Variants in PCDH9 observed in about 807,000 individuals in gnomAD.
PCDH9 encodes the protein protocadherin-9.
PCDH9 carries 24 observed loss-of-function variants against 70.6 expected under a neutral mutation model. That is an observed-to-expected ratio of 0.34 (90% CI 0.25 to 0.48). The LOEUF (loss-of-function observed/expected upper bound fraction) is 0.48, where lower values mean the gene tolerates loss of function less well. Ranked by LOEUF, PCDH9 falls within the 20% of genes least tolerant of loss-of-function variation. The pLI, the probability that PCDH9 is intolerant of heterozygous loss-of-function variation, is 0.99. For missense variants in PCDH9, 1,281 were observed against 1,503.6 expected (o/e 0.85, Z 2.45); for synonymous variants, 562 against 558.5 (o/e 1.01, Z -0.09).
intron 2 of PCDH9, among the ~76,000 whole-genome samples, chr13:67,055,346 G>A (rs1028973478): frequency 1.3e-5 from 2 of 152,168 alleles, no homozygotes; most frequent in Non-Finnish European, 2.9e-5. Context: ...CAGTTGTTAA[G>A]ATTTTAAGAT....
chr13:67,201,467 G>A (rs1566492337), intron 2 of PCDH9: 1 of 151,946 alleles, frequency 6.6e-6, no homozygotes. Flanking sequence ...ATCCCTGTAT[G>A]TTACTTAAAT....
At chr13:67,130,391 G>GT (rs983605871) in intron 2 of PCDH9, among the ~76,000 whole-genome samples, 35 of 151,120 alleles carry the variant, frequency 2.3e-4, no homozygotes, top group African/African-American at 6.3e-4. Flanking sequence ...GTTCTTCAGT[G>GT]TTTTTTTTTA....
At chr13:67,110,514 C>CAAAAAAA (rs67490405) in intron 2 of PCDH9, among the ~76,000 whole-genome samples, 4 of 78,674 alleles carry the variant, frequency 5.1e-5, no homozygotes, top group Admixed American at 3.1e-4. Context: ...CACTCCATCT[C>CAAAAAAA]AAAAAAAAAA....
intron 2 of PCDH9, among the ~76,000 whole-genome samples, chr13:67,036,831 T>C (rs2085018431): frequency 6.6e-6 from 1 of 152,182 alleles, no homozygotes; most frequent in Non-Finnish European, 1.5e-5. Context: ...TTGTTAAGAC[T>C]GGCATTGGGT....
intron 2 of PCDH9, among the ~76,000 whole-genome samples, chr13:67,061,582 T>C (rs1168891694): frequency 4.6e-5 from 7 of 152,132 alleles, no homozygotes; most frequent in Non-Finnish European, 1.0e-4. Context: ...TTTTACTTTT[T>C]AGTGGAGTCA....
At chr13:67,011,716 T>C (rs1467533758) in intron 2 of PCDH9, among the ~76,000 whole-genome samples, 1 of 151,792 alleles carries the variant, frequency 6.6e-6, no homozygotes, top group African/African-American at 2.4e-5. Flanking sequence ...CTATTTGGAG[T>C]GAGTCATGCA....
intron 4 of PCDH9, among the ~76,000 whole-genome samples, chr13:66,308,605 CAACA>C (rs1249071146): frequency 2.0e-5 from 3 of 152,012 alleles, no homozygotes; most frequent in Non-Finnish European, 4.4e-5. Context: ...AACAAGGTAA[CAACA>C]AACTGGAGCT....
At chr13:66,848,093 A>G (rs74595492) in intron 3 of PCDH9, among the ~76,000 whole-genome samples, 1,710 of 152,298 alleles carry the variant, frequency 0.011, 23 homozygotes, top group Middle Eastern at 0.027. Context: ...CCTGTATTTC[A>G]GCGTATCTCC....
intron 2 of PCDH9, among the ~76,000 whole-genome samples, chr13:67,145,863 A>T (rs1322911333): frequency 6.6e-6 from 1 of 152,090 alleles, no homozygotes; most frequent in African/African-American, 2.4e-5. Flanking sequence ...AAAAGAGATG[A>T]TATATCTGTC....
chr13:67,031,430 C>T (rs763208430), intron 2 of PCDH9, among the ~76,000 whole-genome samples: 1 of 152,030 alleles, frequency 6.6e-6, no homozygotes, highest in Non-Finnish European at 1.5e-5. Context: ...ACAGGCCAGG[C>T]GAGGTGGTTC....
intron 2 of PCDH9, among the ~76,000 whole-genome samples, chr13:66,962,159 A>C (rs2083359684): frequency 6.6e-6 from 1 of 152,248 alleles, no homozygotes; most frequent in African/African-American, 2.4e-5. Flanking sequence ...ATTTTGTCAA[A>C]TTGGTTCCAT....
chr13:66,871,837 C>T (rs1434254343), intron 3 of PCDH9, among the ~76,000 whole-genome samples: 1 of 152,072 alleles, frequency 6.6e-6, no homozygotes, highest in Admixed American at 6.6e-5. Context: ...CCACCCCCCC[C>T]TCAACATTTC....
At chr13:66,756,689 A>G (rs1209035653) in intron 3 of PCDH9, among the ~76,000 whole-genome samples, 1 of 152,122 alleles carries the variant, frequency 6.6e-6, no homozygotes, top group Non-Finnish European at 1.5e-5. Flanking sequence ...ACAAGGAGAT[A>G]GTGTTGATAC....
chr13:67,163,577 G>A (rs1434264327), intron 2 of PCDH9, among the ~76,000 whole-genome samples: 2 of 152,106 alleles, frequency 1.3e-5, no homozygotes, highest in Non-Finnish European at 2.9e-5. Context: ...TTGTAGGAAG[G>A]CATTCAGACA....
chr13:66,994,408 T>C (rs889480432), intron 2 of PCDH9, among the ~76,000 whole-genome samples: 1 of 152,128 alleles, frequency 6.6e-6, no homozygotes. Context: ...GCCAAACTTA[T>C]TAAGAAGCCA....
At chr13:66,607,484 T>C (rs1022088440) in intron 4 of PCDH9, among the ~76,000 whole-genome samples, 1 of 152,026 alleles carries the variant, frequency 6.6e-6, no homozygotes, top group Non-Finnish European at 1.5e-5. Flanking sequence ...GCCCCTACAA[T>C]ATGAACTACT....
At chr13:66,805,133 TCATTC>T (rs1429489066) in intron 3 of PCDH9, among the ~76,000 whole-genome samples, 1 of 152,196 alleles carries the variant, frequency 6.6e-6, no homozygotes, top group Admixed American at 6.5e-5. Flanking sequence ...TTCAAATGCT[TCATTC>T]CATGATACTG....
chr13:66,604,378 G>T (rs2077197785), intron 4 of PCDH9, among the ~76,000 whole-genome samples: 1 of 152,036 alleles, frequency 6.6e-6, no homozygotes. Context: ...ATAAATAGTT[G>T]TGTGTGCACA....
chr13:66,955,117 A>G (rs1302677012), intron 2 of PCDH9, among the ~76,000 whole-genome samples: 1 of 152,210 alleles, frequency 6.6e-6, no homozygotes. Context: ...CATGTTATTG[A>G]CTATTCACCA....
Sources: gnomAD v4.1 joint callset for allele counts (sites outside exome capture counted in the v4.1 genomes callset) on GRCh38, gnomAD v4.1.1 for gene constraint, MANE v1.5 for transcripts, NCBI Gene and HGNC (gene_info 2026-07-23, HGNC 2026-07-21) for gene names.